The following RCC1 variants were observed in gnomAD, a reference collection of about 807,000 sequenced individuals.
The protein encoded by RCC1 is regulator of chromosome condensation 1, also known as regulator of chromosome condensation.
In RCC1, 11 loss-of-function variants were observed where a neutral mutation model predicts 44.4. The observed-to-expected ratio is 0.25, with a 90% CI of 0.16 to 0.41. The LOEUF is 0.41. RCC1 is among the 10% of genes least tolerant of loss of function. The pLI, the probability that RCC1 is intolerant of heterozygous loss-of-function variation, is 1.00. For synonymous variants in RCC1, 213 were observed against 216.5 expected (o/e 0.98, Z 0.14); for missense variants, 386 against 547.1 (o/e 0.71, Z 2.94).
chr1:28,530,719 C>A, intron 5 of RCC1: 1 of 877,796 alleles, frequency 1.1e-6, no homozygotes, highest in Admixed American at 3.0e-5. Flanking sequence ...CCCGGGGCTG[C>A]GGGTTGGGGG....
chr1:28,535,021 CTGA>C lies in RCC1; in HGVS notation c.442-27_442-25del, dbSNP rs770919978. ...ACTGGCACGGGGCAGGCAGGACTGG[CTGA>C]TAAGTGCCCTGTCCCTCCCTTCTAG... On this transcript the variant is annotated intron_variant, in intron 7 of 12. Transcript: ENST00000683442. 7 of 1,580,152 alleles carry C rather than the reference CTGA, an allele frequency of 4.4e-6. No homozygotes were observed. The South Asian group carries it at 4.4e-5, about 10-fold the overall frequency.
intron 4 of RCC1, chr1:28,527,185 CG>C: frequency 8.5e-7 from 1 of 1,175,016 alleles, no homozygotes; most frequent in Non-Finnish European, 1.2e-6. Flanking sequence ...ACTCACATGC[CG>C]GGCAACTGAT....
At position 28,508,851 on chromosome 1, in the gene RCC1, C is replaced by G. The variant is rs188852909; in HGVS notation, c.-207C>G. 5.8e-6 allele frequency: 3 copies of G among 517,304 alleles called. No individual in the cohort carries two copies. The highest frequency in any genetic ancestry group is 1.1e-4 in the East Asian group (2 of 18,338). The allele number at this position is 517,304 out of a possible 1,614,324, so 32.0% of individuals were successfully genotyped here. On this transcript the variant is annotated 5_prime_UTR_variant, in exon 3 of 13. Coordinates refer to ENST00000683442, the MANE Select transcript of RCC1 (RefSeq NM_001381865.2). The stretch of plus-strand genomic sequence containing the variant: ...TTAGGAGAGAAGACGATCTGCACTT[C>G]GCATTTTGGCATTGACATTTAATTT...
chr1:28,521,639 C>G (rs1663293517), intron 4 of RCC1, among the ~76,000 whole-genome samples: 1 of 152,226 alleles, frequency 6.6e-6, no homozygotes, highest in African/African-American at 2.4e-5. Context: ...CAGGTGCCGT[C>G]TCCACCGCAG....
intron 1 of RCC1, chr1:28,507,623 G>C: frequency 2.4e-6 from 1 of 424,196 alleles, no homozygotes; most frequent in Non-Finnish European, 4.5e-6. Context: ...TTTTTTTTTG[G>C]AGATGGAGTC....
At chr1:28,528,806 CAA>C (rs61279276) in intron 4 of RCC1, among the ~76,000 whole-genome samples, 22 of 101,392 alleles carry the variant, frequency 2.2e-4, no homozygotes, top group Non-Finnish European at 3.3e-4. Context: ...ATTTTTTTTC[CAA>C]AAAAAAAAAA....
At chr1:28,532,576 AGTGAGTGGGT>A in intron 7 of RCC1, 1 of 548,958 alleles carries the variant, frequency 1.8e-6, no homozygotes, top group Non-Finnish European at 3.3e-6. Context: ...TGTCCTGGGA[AGTGAGTGGGT>A]CAAGGATGTC....
chr1:28,528,029 CAT>C (rs1416524769), intron 4 of RCC1, among the ~76,000 whole-genome samples: 1 of 124,450 alleles, frequency 8.0e-6, no homozygotes, highest in Admixed American at 7.7e-5. Flanking sequence ...AAAAAAAAAA[CAT>C]GTAATCGGCT....
At chr1:28,529,435 C>T (rs530236824) in intron 4 of RCC1, among the ~76,000 whole-genome samples, 15 of 152,062 alleles carry the variant, frequency 9.9e-5, no homozygotes, top group Admixed American at 5.9e-4. Flanking sequence ...CCGCCCGCCC[C>T]GGCCTCCCAC....
At chr1:28,508,558 T>A (rs771552921) in intron 2 of RCC1, 1 of 518,144 alleles carries the variant, frequency 1.9e-6, no homozygotes. Context: ...TAATGAGCAT[T>A]CCAACGTGGA....
At chr1:28,515,935 A>C (rs1395049143) in intron 3 of RCC1, among the ~76,000 whole-genome samples, 2 of 151,906 alleles carry the variant, frequency 1.3e-5, no homozygotes, top group Non-Finnish European at 2.9e-5. Context: ...TAATCCCAGC[A>C]CTTTGGTAGG....
At chr1:28,523,100 C>T (rs12408681) in intron 4 of RCC1, among the ~76,000 whole-genome samples, 2 of 140,368 alleles carry the variant, frequency 1.4e-5, no homozygotes, top group Non-Finnish European at 1.5e-5. Context: ...GGCGTGATCT[C>T]GACTCACTGC....
At chr1:28,511,443 C>T (rs575130774) in intron 3 of RCC1, among the ~76,000 whole-genome samples, 1 of 151,124 alleles carries the variant, frequency 6.6e-6, no homozygotes, top group East Asian at 1.9e-4. Flanking sequence ...CTCTGTCGCC[C>T]AGGCTGGAGT....
rs115645509 is a variant in RCC1, at chr1:28,509,298, C to T, written c.-153+393C>T. ...ATATTAAAAGTCCTTGAGTATTTTG[C>T]TTTTCATGATCTTGCTCACTGCAAC... On this transcript the variant is annotated intron_variant, in intron 3 of 12. Transcript: ENST00000683442. 4.6e-3 allele frequency: 849 copies of T among 184,894 alleles called. 4 individuals carry two copies. Among genetic ancestry groups the T allele is most frequent in the African/African-American group, 0.02 (817 of 41,824 alleles). 11.5% of individuals were successfully genotyped at this position (184,894 alleles called of 1,614,324 possible). A position where few individuals can be genotyped will look rare whatever the true frequency, so the allele number is the denominator to read the frequency against.
At chr1:28,537,708 TG>T in intron 12 of RCC1, 123 bp from the exon 13 acceptor site, 1 of 941,266 alleles carries the variant, frequency 1.1e-6, no homozygotes. Context: ...TCCCAGAGTC[TG>T]GTACCTTGCC....
At position 28,538,051 on chromosome 1, in the gene RCC1, C is replaced by T; in HGVS notation, c.*44C>T. On this transcript the variant is annotated 3_prime_UTR_variant, in exon 13 of 13. Coordinates refer to ENST00000683442, the MANE Select transcript of RCC1 (RefSeq NM_001381865.2). ...GGCTTCTGTCCTGCACAACCTCCCT[C>T]ACAGAACAGGGAAGCAGTGACAGCT... 14 of 1,575,910 alleles carry T rather than the reference C, an allele frequency of 8.9e-6. No individual in the cohort carries two copies. Among genetic ancestry groups the T allele is most frequent in the Non-Finnish European group, 1.2e-5 (14 of 1,157,262 alleles).
At chr1:28,510,170 CA>C (rs1361465206) in intron 3 of RCC1, 21 of 152,378 alleles carry the variant, frequency 1.4e-4, no homozygotes, top group African/African-American at 4.8e-4. Flanking sequence ...TTGATGGAGA[CA>C]GGTTTGAGGG....
At chr1:28,530,759 C>T (rs1337684686) in intron 5 of RCC1, 6 of 602,478 alleles carry the variant, frequency 1.0e-5, no homozygotes, top group South Asian at 2.1e-5. Context: ...GAGCCCCGGG[C>T]GCGCACCTCC....
rs1386396266 is a variant in RCC1 at position 28,538,955 on chromosome 1, T to A, written c.*948T>A. The A allele has an allele frequency of 6.6e-6, 1 of 152,232 alleles. No homozygotes were observed. Among genetic ancestry groups the A allele is most frequent in the Non-Finnish European group, 1.5e-5 (1 of 68,044 alleles). 9.4% of individuals were successfully genotyped at this position (152,232 alleles called of 1,614,324 possible). Reference sequence around the variant, plus strand: ...ATTTTGGAGGGAGAACAAAATCTTTTAACATTTTGAATAAATTTAGAGTTT... The same window carrying A: ...ATTTTGGAGGGAGAACAAAATCTTTAAACATTTTGAATAAATTTAGAGTTT... On this transcript the variant is annotated 3_prime_UTR_variant, in exon 13 of 13. Coordinates refer to ENST00000683442, the MANE Select transcript of RCC1 (RefSeq NM_001381865.2).
Sources: allele counts gnomAD v4.1 joint callset (sites outside exome capture counted in the v4.1 genomes callset), GRCh38; gene constraint gnomAD v4.1.1; transcripts MANE v1.5; gene names NCBI Gene and HGNC (gene_info 2026-07-23, HGNC 2026-07-21).